The following SIPA1L1 variants were observed in gnomAD, a reference collection of about 807,000 sequenced individuals.
SIPA1L1 encodes the protein signal-induced proliferation-associated 1-like protein 1.
SIPA1L1 carries 26 observed loss-of-function variants against 162.7 expected under a neutral mutation model. The observed-to-expected ratio is 0.16, with a 90% CI of 0.12 to 0.22. The LOEUF is 0.22. Ranked by LOEUF, SIPA1L1 falls within the 10% of genes least tolerant of loss-of-function variation. The probability of loss-of-function intolerance (pLI) is 1.00; values close to 1 mark genes in which losing one functional copy is unlikely to be tolerated. For synonymous variants in SIPA1L1, 829 were observed against 837.4 expected (o/e 0.99, Z 0.17); for missense variants, 1,874 against 2,241.0 (o/e 0.84, Z 3.31).
At chr14:71,326,211 C>G (rs1018672712) in intron 2 of SIPA1L1, among the ~76,000 whole-genome samples, 2 of 142,384 alleles carry the variant, frequency 1.4e-5, no homozygotes, top group Non-Finnish European at 3.1e-5. Context: ...CGACTTGCTT[C>G]TTTTTTTTTT....
Position 71,672,600 on chromosome 14 carries a change from C to T in SIPA1L1, c.3082C>T (p.His1028Tyr), listed in dbSNP as rs1434355750. 6.2e-7 allele frequency: 1 copy of T among 1,614,048 alleles called. No individual in the cohort carries two copies. The highest frequency in any genetic ancestry group is 1.7e-5 in the Admixed American group (1 of 60,036). Residue 1028 changes from histidine to tyrosine, a missense_variant, in exon 12 of 24, where the codon CAT (histidine) becomes TAT (tyrosine). Physicochemically the swap from His to Tyr is moderately conservative, Grantham distance 83 (BLOSUM62 2). This residue lies in a region of SIPA1L1 where 936 missense variants were observed against 1,051.9 expected (regional missense o/e 0.89). Transcript: ENST00000381232. Reference sequence around the variant, plus strand: ...GGTGAAGGTTGTCATCATTCCCCCGCATGATGACTGCACCCCGCGGAGGTA... The same window carrying T: ...GGTGAAGGTTGTCATCATTCCCCCGTATGATGACTGCACCCCGCGGAGGTA... ...VTVKVVIIPP[H>Y]DDCTPRRSCS... is the part of the protein sequence containing the mutation.
chr14:71,422,261 T>G (rs532414009), intron 2 of SIPA1L1, among the ~76,000 whole-genome samples: 50 of 152,316 alleles, frequency 3.3e-4, no homozygotes, highest in African/African-American at 1.2e-3. Context: ...TCCATTTGAT[T>G]AGACCTTTTG....
chr14:71,646,968 G>A (rs557612672), intron 7 of SIPA1L1, among the ~76,000 whole-genome samples: 2 of 152,224 alleles, frequency 1.3e-5, no homozygotes, highest in African/African-American at 4.8e-5. Context: ...ACAACTCCAT[G>A]TACATTAGCT....
intron 2 of SIPA1L1, among the ~76,000 whole-genome samples, chr14:71,417,549 A>G (rs1763014457): frequency 6.7e-6 from 1 of 148,480 alleles, no homozygotes; most frequent in African/African-American, 2.5e-5. Flanking sequence ...CATTAATGGA[A>G]GTGGATCATA....
At chr14:71,724,023 AT>A (rs1334660806) in intron 18 of SIPA1L1, 137 bp downstream of exon 18, 10 of 895,814 alleles carry the variant, frequency 1.1e-5, no homozygotes, top group Admixed American at 5.8e-5. Flanking sequence ...TGGGATTATG[AT>A]TTTTTTTCCT....
chr14:71,380,160 T>C (rs890108912), intron 2 of SIPA1L1, among the ~76,000 whole-genome samples: 16 of 152,218 alleles, frequency 1.1e-4, no homozygotes, highest in African/African-American at 3.6e-4. Context: ...GAAAAGGGTT[T>C]AAAAACATAC....
At chr14:71,700,948 T>C (rs1436826294) in intron 14 of SIPA1L1, among the ~76,000 whole-genome samples, 2 of 123,232 alleles carry the variant, frequency 1.6e-5, no homozygotes, top group Non-Finnish European at 3.1e-5. Context: ...GAGCCCGAGA[T>C]TGCGCCACTG....
At chr14:71,589,661 G>T (rs963293840) in intron 5 of SIPA1L1, among the ~76,000 whole-genome samples, 1 of 152,098 alleles carries the variant, frequency 6.6e-6, no homozygotes, top group Non-Finnish European at 1.5e-5. Flanking sequence ...CAGTAGATTT[G>T]CTGTGTCACC....
chr14:71,714,851 G>T (rs2083146760), intron 17 of SIPA1L1, among the ~76,000 whole-genome samples: 1 of 152,152 alleles, frequency 6.6e-6, no homozygotes, highest in Admixed American at 6.5e-5. Flanking sequence ...CATAGTGCAG[G>T]AATTACCGGC....
chr14:71,348,538 G>T (rs748695611), intron 2 of SIPA1L1, among the ~76,000 whole-genome samples: 11 of 152,070 alleles, frequency 7.2e-5, no homozygotes, highest in Non-Finnish European at 1.3e-4. Context: ...TGGTCATTAG[G>T]CCCTTTCTTG....
chr14:71,653,086 C>T (rs574609667), intron 8 of SIPA1L1, among the ~76,000 whole-genome samples: 2 of 152,200 alleles, frequency 1.3e-5, no homozygotes, highest in East Asian at 1.9e-4. Flanking sequence ...TTTTGGCAGG[C>T]AGTGAAGTTG....
At chr14:71,387,665 A>G (rs866922058) in intron 2 of SIPA1L1, among the ~76,000 whole-genome samples, 1 of 152,246 alleles carries the variant, frequency 6.6e-6, no homozygotes, top group Non-Finnish European at 1.5e-5. Flanking sequence ...CGATTCTTCT[A>G]GATAACCATT....
At chr14:71,548,671 C>T (rs997391513) in intron 4 of SIPA1L1, among the ~76,000 whole-genome samples, 5 of 152,082 alleles carry the variant, frequency 3.3e-5, no homozygotes, top group African/African-American at 9.6e-5. Context: ...CCGAGGTGAT[C>T]GGATCGCTTG....
At chr14:71,510,177 CTTTTTTTTTTTTT>C (rs985233367) in intron 2 of SIPA1L1, among the ~76,000 whole-genome samples, 18 of 77,492 alleles carry the variant, frequency 2.3e-4, no homozygotes, top group Admixed American at 1.6e-3. Context: ...TCCCCCCCAC[CTTTTTTTTTTTTT>C]TTTTTTTTTT....
intron 2 of SIPA1L1, among the ~76,000 whole-genome samples, chr14:71,512,417 T>C (rs2144418294): frequency 6.6e-6 from 1 of 151,610 alleles, no homozygotes; most frequent in East Asian, 1.9e-4. Flanking sequence ...TGAAACCCCG[T>C]CTCTACTAAA....
intron 2 of SIPA1L1, among the ~76,000 whole-genome samples, chr14:71,496,910 G>A (rs577252174): frequency 2.6e-5 from 4 of 152,258 alleles, no homozygotes; most frequent in African/African-American, 9.6e-5. Flanking sequence ...GGTGGCTCAC[G>A]CCTGTAATCC....
At chr14:71,516,120 G>C (rs935441378) in intron 3 of SIPA1L1, among the ~76,000 whole-genome samples, 1 of 152,166 alleles carries the variant, frequency 6.6e-6, no homozygotes, top group Non-Finnish European at 1.5e-5. Flanking sequence ...ACTTGGATCA[G>C]GTCAGCTTGG....
At chr14:71,537,646 C>T (rs989199216) in intron 4 of SIPA1L1, among the ~76,000 whole-genome samples, 1 of 151,962 alleles carries the variant, frequency 6.6e-6, no homozygotes, top group Non-Finnish European at 1.5e-5. Flanking sequence ...TCAGTGTGGG[C>T]GAGTGGGCTA....
chr14:71,654,879 C>G (rs2149144346), intron 8 of SIPA1L1, among the ~76,000 whole-genome samples: 1 of 151,886 alleles, frequency 6.6e-6, no homozygotes, highest in East Asian at 1.9e-4. Flanking sequence ...TTAAAACTTT[C>G]ATAGTTTCAG....
Sources: gnomAD v4.1 joint callset for allele counts (sites outside exome capture counted in the v4.1 genomes callset) on GRCh38, gnomAD v4.1.1 for gene constraint, gnomAD v4.1.1 regional missense constraint, MANE v1.5 for transcripts, NCBI Gene and HGNC (gene_info 2026-07-23, HGNC 2026-07-21) for gene names.